The following NFIB variants were observed in gnomAD, a reference collection of about 807,000 sequenced individuals.
The protein encoded by NFIB is nuclear factor 1 B-type.
Under a neutral mutation model 61.5 loss-of-function variants are expected in NFIB, and 11 were observed. The observed-to-expected ratio is 0.18, with a 90% CI of 0.11 to 0.30. The LOEUF (loss-of-function observed/expected upper bound fraction) is 0.30. NFIB is among the 10% of genes least tolerant of loss of function. The pLI, the probability that NFIB is intolerant of heterozygous loss-of-function variation, is 1.00. For synonymous variants in NFIB, 260 were observed against 216.5 expected (o/e 1.20, Z -1.76); for missense variants, 471 against 608.9 (o/e 0.77, Z 2.38).
intron 10 of NFIB, among the ~76,000 whole-genome samples, chr9:14,106,692 A>G (rs895041930): frequency 1.3e-5 from 2 of 152,166 alleles, no homozygotes; most frequent in Non-Finnish European, 2.9e-5. Context: ...TCATGTAAGT[A>G]GCAGATAGCC....
intron 1 of NFIB, among the ~76,000 whole-genome samples, chr9:14,392,145 G>C (rs2061629811): frequency 6.6e-6 from 1 of 152,180 alleles, no homozygotes; most frequent in African/African-American, 2.4e-5. Flanking sequence ...GAAAGTCTGA[G>C]AAACTGCCAC....
chr9:14,133,011 A>G (rs2040581455), intron 6 of NFIB, among the ~76,000 whole-genome samples: 1 of 152,172 alleles, frequency 6.6e-6, no homozygotes, highest in Admixed American at 6.5e-5. Flanking sequence ...AGTTTGATAC[A>G]GACCAGAGAA....
At chr9:14,273,752 A>G (rs1459339057) in intron 2 of NFIB, among the ~76,000 whole-genome samples, 1 of 152,154 alleles carries the variant, frequency 6.6e-6, no homozygotes, top group East Asian at 1.9e-4. Flanking sequence ...ACTTAATCTC[A>G]GCACGCATCT....
intron 2 of NFIB, among the ~76,000 whole-genome samples, chr9:14,200,457 C>T (rs1364447549): frequency 6.6e-6 from 1 of 152,190 alleles, no homozygotes; most frequent in African/African-American, 2.4e-5. Flanking sequence ...AAATAATAAT[C>T]CTCATGCCCA....
the NFIB span, among the ~76,000 whole-genome samples, chr9:14,421,866 T>G: frequency 6.6e-5 from 10 of 152,340 alleles, no homozygotes; most frequent in East Asian, 3.9e-4. Context: ...GTCAGAAATT[T>G]TAATAGATAT....
At chr9:14,365,891 C>A (rs1405142578) in intron 1 of NFIB, among the ~76,000 whole-genome samples, 1 of 152,156 alleles carries the variant, frequency 6.6e-6, no homozygotes, top group East Asian at 1.9e-4. Flanking sequence ...TACATCTTTT[C>A]TACCCAGGAA....
intron 1 of NFIB, among the ~76,000 whole-genome samples, chr9:14,388,160 T>C (rs970222895): frequency 2.0e-5 from 3 of 152,152 alleles, no homozygotes; most frequent in African/African-American, 7.2e-5. Flanking sequence ...CTACAGTTAA[T>C]ATTAATAGCT....
At chr9:14,283,573 A>G (rs922134585) in intron 2 of NFIB, among the ~76,000 whole-genome samples, 8 of 152,226 alleles carry the variant, frequency 5.3e-5, no homozygotes, top group Non-Finnish European at 1.2e-4. Flanking sequence ...TCAGGGCAAG[A>G]GCAGTCCTGA....
At chr9:14,276,936 C>T (rs1251120183) in intron 2 of NFIB, among the ~76,000 whole-genome samples, 1 of 151,768 alleles carries the variant, frequency 6.6e-6, no homozygotes, top group Admixed American at 6.6e-5. Context: ...CTGTAAAAAG[C>T]TTAGGAAAGA....
intron 2 of NFIB, among the ~76,000 whole-genome samples, chr9:14,186,159 C>G (rs927721879): frequency 6.6e-6 from 1 of 152,168 alleles, no homozygotes; most frequent in African/African-American, 2.4e-5. Context: ...TTTCAGGTCC[C>G]CTGTGGCTCT....
At chr9:14,402,854 A>G (rs1021299256), upstream of NFIB, among the ~76,000 whole-genome samples, 1 of 152,222 alleles carries the variant, frequency 6.6e-6, no homozygotes, top group Non-Finnish European at 1.5e-5. Context: ...AGAAATTTAA[A>G]AAATAATACT....
At chr9:14,472,733 C>T in the NFIB span, among the ~76,000 whole-genome samples, 3 of 151,366 alleles carry the variant, frequency 2.0e-5, no homozygotes, top group Non-Finnish European at 4.4e-5. Context: ...CCCAGCTACT[C>T]GGGAGGCTGA....
At chr9:14,282,941 G>A (rs2058474553) in intron 2 of NFIB, among the ~76,000 whole-genome samples, 1 of 152,164 alleles carries the variant, frequency 6.6e-6, no homozygotes, top group South Asian at 2.1e-4. Flanking sequence ...AGTTAGTTGT[G>A]AGAATTAAAT....
intron 10 of NFIB, among the ~76,000 whole-genome samples, chr9:14,096,053 A>T (rs1315040056): frequency 6.6e-6 from 1 of 152,146 alleles, no homozygotes; most frequent in African/African-American, 2.4e-5. Context: ...AAATATGACT[A>T]AAAAAATCAT....
In NFIB at chr9:14,091,445, GATAAA is replaced by G. The variant is rs1384526209; in HGVS notation, c.1468-3124_1468-3120del. On this transcript the variant is annotated intron_variant, in intron 10 of 10. Coordinates refer to ENST00000380953, the MANE Select transcript of NFIB (RefSeq NM_001190737.2). ...ATAAAAATCAATAATCACATGTATG[GATAAA>G]ATAAACACACAAAAACAAATTAGTT... 3.3e-5 allele frequency among the ~76,000 whole-genome samples: 5 copies of G among 151,930 alleles called. No individual in the cohort carries two copies. The East Asian group carries it at 7.7e-4, about 24-fold the overall frequency.
At chr9:14,111,850 A>T (rs1007259550) in intron 10 of NFIB, among the ~76,000 whole-genome samples, 4 of 152,146 alleles carry the variant, frequency 2.6e-5, no homozygotes, top group African/African-American at 4.8e-5. Flanking sequence ...ATTCTGAATA[A>T]GCTATCATCT....
the NFIB span, among the ~76,000 whole-genome samples, chr9:14,489,380 C>T: frequency 1.3e-5 from 2 of 152,182 alleles, no homozygotes; most frequent in South Asian, 4.1e-4. Context: ...GAAACTTTCC[C>T]TATCACGTAC....
intron 1 of NFIB, among the ~76,000 whole-genome samples, chr9:14,388,356 A>G (rs963968483): frequency 2.0e-4 from 29 of 145,846 alleles, no homozygotes; most frequent in African/African-American, 6.9e-4. Flanking sequence ...CCTTTTCAAA[A>G]AGAGAAAGAA....
At chr9:14,102,208 T>G (rs2035882694) in intron 10 of NFIB, among the ~76,000 whole-genome samples, 1 of 152,070 alleles carries the variant, frequency 6.6e-6, no homozygotes, top group Non-Finnish European at 1.5e-5. Flanking sequence ...CATTTAAAAA[T>G]TCCAATGATC....
Sources: gnomAD v4.1 joint callset for allele counts (sites outside exome capture counted in the v4.1 genomes callset) on GRCh38, gnomAD v4.1.1 for gene constraint, MANE v1.5 for transcripts, NCBI Gene and HGNC (gene_info 2026-07-23, HGNC 2026-07-21) for gene names.